CEP63: variants seen among roughly 807,000 people sequenced by gnomAD.
CEP63 encodes centrosomal protein 63.
In CEP63, 84 loss-of-function variants were observed where a neutral mutation model predicts 89.1. The observed-to-expected ratio is 0.94, with a 90% CI of 0.79 to 1.13. CEP63 has a LOEUF of 1.13. CEP63 is among the 50% of genes most tolerant of loss of function. The pLI is 0.00. For synonymous variants in CEP63, 267 were observed against 272.5 expected (o/e 0.98, Z 0.20); for missense variants, 838 against 813.3 (o/e 1.03, Z -0.37).
At chr3:134,775,850 C>A in the CEP63 span, among the ~76,000 whole-genome samples, 2 of 152,196 alleles carry the variant, frequency 1.3e-5, no homozygotes, top group African/African-American at 4.8e-5. Flanking sequence ...GGTGCCTCTT[C>A]TTTTCAGCCG....
the CEP63 span, among the ~76,000 whole-genome samples, chr3:134,758,858 C>A: frequency 8.9e-3 from 1,352 of 152,226 alleles, 23 homozygotes; most frequent in African/African-American, 0.03. Flanking sequence ...GGAACCTGTG[C>A]ATGTGTTACC....
At chr3:134,679,629 C>A in the CEP63 span, among the ~76,000 whole-genome samples, 76 of 152,328 alleles carry the variant, frequency 5.0e-4, no homozygotes, top group African/African-American at 1.7e-3. Flanking sequence ...TCCAGTACCT[C>A]AGACTTGACT....
the CEP63 span, among the ~76,000 whole-genome samples, chr3:134,779,065 T>A: frequency 6.6e-6 from 1 of 152,220 alleles, no homozygotes; most frequent in Admixed American, 6.5e-5. Context: ...TATCCATATC[T>A]TTGTCTACAT....
the CEP63 span, among the ~76,000 whole-genome samples, chr3:134,674,411 G>C: frequency 2.0e-5 from 3 of 152,110 alleles, no homozygotes; most frequent in East Asian, 5.8e-4. Flanking sequence ...AAAAACACTC[G>C]ACAAACTAGG....
intron 3 of CEP63, among the ~76,000 whole-genome samples, chr3:134,516,308 C>T (rs529892016): frequency 5.1e-4 from 77 of 152,220 alleles, no homozygotes; most frequent in Non-Finnish European, 8.5e-4. Flanking sequence ...GCATGTCCCA[C>T]CTCCAGCCCT....
At position 134,547,315 on chromosome 3, in the gene CEP63, C is replaced by T; in HGVS notation, c.930-20C>T. The T allele has an allele frequency of 6.2e-7, 1 of 1,611,050 alleles. No homozygotes were observed. The highest frequency in any genetic ancestry group is 2.2e-5 in the East Asian group (1 of 44,820). ...TTGCAGAGATAAAGGCGTTAACAAT[C>T]ATCCTATGTCTTTCCATAGGCCACG... On this transcript the variant is annotated intron_variant, in intron 8 of 14. Transcript: ENST00000675561.
the CEP63 span, among the ~76,000 whole-genome samples, chr3:134,653,896 C>T: frequency 6.6e-6 from 1 of 152,200 alleles, no homozygotes; most frequent in African/African-American, 2.4e-5. Context: ...CCCCTCCATC[C>T]TGCTACCATC....
chr3:134,731,757 G>A, the CEP63 span, among the ~76,000 whole-genome samples: 1 of 152,178 alleles, frequency 6.6e-6, no homozygotes, highest in East Asian at 1.9e-4. Flanking sequence ...AGCTCTTGCT[G>A]CTGCTGAACA....
the CEP63 span, chr3:134,608,947 A>G: frequency 9.4e-6 from 12 of 1,281,436 alleles, no homozygotes; most frequent in East Asian, 5.1e-5. Context: ...AAGAGGCACC[A>G]TCTCCGACCC....
At chr3:134,610,058 C>G in the CEP63 span, 74 of 909,184 alleles carry the variant, frequency 8.1e-5, no homozygotes, top group Non-Finnish European at 1.2e-4. Flanking sequence ...ACTTCAGAGC[C>G]GAGGAGGAGT....
chr3:134,664,496 G>A, the CEP63 span, among the ~76,000 whole-genome samples: 1 of 152,244 alleles, frequency 6.6e-6, no homozygotes, highest in East Asian at 1.9e-4. Context: ...AGCAAGGACA[G>A]AGACAGCCCT....
chr3:134,489,410 G>C (rs1344748863), intron 1 of CEP63, among the ~76,000 whole-genome samples: 1 of 152,108 alleles, frequency 6.6e-6, no homozygotes, highest in East Asian at 1.9e-4. Context: ...AGGTAATGCA[G>C]TATACTTCCT....
intron 3 of CEP63, among the ~76,000 whole-genome samples, chr3:134,528,724 ATC>A (rs1283016461): frequency 6.6e-6 from 1 of 152,004 alleles, no homozygotes; most frequent in East Asian, 1.9e-4. Context: ...TTTTGGGATA[ATC>A]TGTTTCCCTT....
At chr3:134,604,653 C>T in the CEP63 span, among the ~76,000 whole-genome samples, 23 of 152,348 alleles carry the variant, frequency 1.5e-4, no homozygotes, top group African/African-American at 4.8e-4. Flanking sequence ...CTTCACTGAG[C>T]ATGGCATCAG....
intron 2 of CEP63, among the ~76,000 whole-genome samples, chr3:134,498,473 T>A (rs188257729): frequency 7.2e-5 from 11 of 152,366 alleles, no homozygotes; most frequent in Non-Finnish European, 1.5e-4. Context: ...CTTTAGGTTT[T>A]TCTGTATGTC....
chr3:134,615,464 TTTTTA>T, the CEP63 span: 14 of 151,860 alleles, frequency 9.2e-5, no homozygotes, highest in African/African-American at 3.1e-4. Context: ...TTCTTTTTTC[TTTTTA>T]TTTTATTTTA....
At chr3:134,758,088 A>C in the CEP63 span, among the ~76,000 whole-genome samples, 11 of 152,146 alleles carry the variant, frequency 7.2e-5, no homozygotes, top group Non-Finnish European at 1.5e-4. Flanking sequence ...ACTGATAATT[A>C]TTATGCCTGT....
the CEP63 span, among the ~76,000 whole-genome samples, chr3:134,754,506 A>T: frequency 6.6e-6 from 1 of 152,086 alleles, no homozygotes; most frequent in Non-Finnish European, 1.5e-5. Flanking sequence ...GTCTGGGCTT[A>T]TGGTGATGCT....
At position 134,563,362 on chromosome 3, in the gene CEP63, T is replaced by C. The variant is rs1393262969; in HGVS notation, c.*1827T>C. 1.3e-5 allele frequency: 2 copies of C among 152,206 alleles called. No individual in the cohort carries two copies. The highest frequency in any genetic ancestry group is 1.9e-4 in the East Asian group (1 of 5,202). 9.4% of individuals were successfully genotyped at this position (152,206 alleles called of 1,614,324 possible). A position where few individuals can be genotyped will look rare whatever the true frequency, so the allele number is the denominator to read the frequency against. On this transcript the variant is annotated 3_prime_UTR_variant, in exon 15 of 15. Coordinates refer to ENST00000675561, the MANE Select transcript of CEP63 (RefSeq NM_001353108.3). ...GTAATTCAGGGAGCTTCTGGAGTTA[T>C]CCTTTAGAAATGTAAATGAAACAGT...
Sources: gnomAD v4.1 joint callset for allele counts (sites outside exome capture counted in the v4.1 genomes callset) on GRCh38, gnomAD v4.1.1 for gene constraint, MANE v1.5 for transcripts, NCBI Gene and HGNC (gene_info 2026-07-23, HGNC 2026-07-21) for gene names.